HFM1: variants seen among roughly 807,000 people sequenced by gnomAD.
The protein encoded by HFM1 is helicase for meiosis 1.
In HFM1, 169 loss-of-function variants were observed where a neutral mutation model predicts 192.1. The ratio of observed to expected loss-of-function variants is 0.88; its 90% CI spans 0.78 to 1.00. The LOEUF is 1.00. Among genes scored for constraint, HFM1 ranks in the 50% least tolerant of loss-of-function variants. The probability of loss-of-function intolerance (pLI) is 0.00; values close to 1 mark genes in which losing one functional copy is unlikely to be tolerated. For synonymous variants in HFM1, 525 were observed against 537.8 expected, an observed-to-expected ratio of 0.98 and a Z score of 0.33; for missense variants, 1,661 against 1,668.0, an observed-to-expected ratio of 1.00 and a Z score of 0.07.
At chr1:91,370,136 T>C (rs1659964550) in intron 13 of HFM1, among the ~76,000 whole-genome samples, 1 of 152,146 alleles carries the variant, frequency 6.6e-6, no homozygotes, top group African/African-American at 2.4e-5. Flanking sequence ...ACCAGATGGA[T>C]TCACAGCCGA....
At position 91,355,251 on chromosome 1, in the gene HFM1, G is replaced by A. The variant is rs375640628; in HGVS notation, c.1686-1952C>T. ...AAAGAGAAAGGAATCAAAGCTTAGC[G>A]CTACAGAAAAACAACAAATCACAAA... On this transcript the variant is annotated intron_variant, in intron 13 of 38. Transcript: ENST00000370425. 2.0e-4 allele frequency among the ~76,000 whole-genome samples: 31 copies of A among 152,046 alleles called. No homozygotes were observed. In the Middle Eastern group the frequency reaches 0.01, roughly 50 times the overall value.
chr1:91,340,076 G>T (rs765599110), intron 20 of HFM1, among the ~76,000 whole-genome samples: 6 of 152,214 alleles, frequency 3.9e-5, no homozygotes, highest in Middle Eastern at 3.4e-3. Context: ...TGCAATCTTG[G>T]CTCACTGCAA....
At chr1:91,350,952 T>C (rs1033016926) in intron 17 of HFM1, 81 bp from the exon 18 acceptor site, 1 of 1,015,548 alleles carries the variant, frequency 9.8e-7, no homozygotes, top group East Asian at 2.7e-5. Context: ...ATATAGAATA[T>C]ACCCATTGCT....
At position 91,260,889 on chromosome 1, in the gene HFM1, T is replaced by C. The variant is rs1665102317; in HGVS notation, c.*401A>G. 1 of 152,972 alleles carries C rather than the reference T, an allele frequency of 6.5e-6. No homozygotes were observed. Among genetic ancestry groups the C allele is most frequent in the African/African-American group, 2.4e-5 (1 of 41,494 alleles). The allele number at this position is 152,972 out of a possible 1,614,324, so 9.5% of individuals were successfully genotyped here. ...GGGAATAATATTAGTGATTAATCCA[T>C]ACAATAAGCAGATTCATTAAGTTAG... On this transcript the variant is annotated 3_prime_UTR_variant, in exon 39 of 39. Transcript: ENST00000370425.
At chr1:91,270,371 A>C (rs1445220875) in intron 34 of HFM1, among the ~76,000 whole-genome samples, 2 of 147,142 alleles carry the variant, frequency 1.4e-5, no homozygotes, top group Admixed American at 1.3e-4. Flanking sequence ...GGTAAGAAGA[A>C]GACAGAGTTC....
intron 2 of HFM1, among the ~76,000 whole-genome samples, chr1:91,398,921 G>C (rs1050030747): frequency 6.6e-6 from 1 of 151,992 alleles, no homozygotes; most frequent in African/African-American, 2.4e-5. Flanking sequence ...TCAAACTCCG[G>C]GACTCAAGTG....
chr1:91,337,982 G>A (rs1414791825), intron 20 of HFM1, among the ~76,000 whole-genome samples: 1 of 152,128 alleles, frequency 6.6e-6, no homozygotes, highest in Non-Finnish European at 1.5e-5. Flanking sequence ...AGTCATTGAG[G>A]GTGGTTGGAG....
At position 91,319,140 on chromosome 1, in the gene HFM1, T is replaced by C. The variant is rs774242792; in HGVS notation, c.2750A>G (p.Lys917Arg). Residue 917 changes from lysine to arginine, a missense_variant, in exon 25 of 39, where the codon AAA (lysine) becomes AGA (arginine). By Grantham distance (26) the Lys-to-Arg change is conservative (BLOSUM62 2). Coordinates refer to ENST00000370425, the MANE Select transcript of HFM1 (RefSeq NM_001017975.6). ...TTCCCAAAGTTTACACCTAAAACATTTAGCTAAAATCAAACTATTCAATAG... is the reference window on the plus strand; with the variant it reads ...TTCCCAAAGTTTACACCTAAAACATCTAGCTAAAATCAAACTATTCAATAG... Reference protein sequence around the residue: ...AVLLNSLILAKCFRCKLWENS... With the variant: ...AVLLNSLILARCFRCKLWENS... 6.2e-7 allele frequency: 1 copy of C among 1,611,034 alleles called. No individual in the cohort carries two copies. Among genetic ancestry groups the C allele is most frequent in the Non-Finnish European group, 8.5e-7 (1 of 1,179,058 alleles).
chr1:91,402,331 T>A (rs1005465994), intron 1 of HFM1, among the ~76,000 whole-genome samples: 4 of 152,214 alleles, frequency 2.6e-5, no homozygotes, highest in African/African-American at 7.2e-5. Flanking sequence ...ACTTCAGGGC[T>A]GTTCTTACTG....
At chr1:91,281,708 T>C (rs1667476684) in intron 30 of HFM1, among the ~76,000 whole-genome samples, 1 of 152,216 alleles carries the variant, frequency 6.6e-6, no homozygotes, top group African/African-American at 2.4e-5. Context: ...AAAATCATTT[T>C]TCCCTTGGAA....
intron 13 of HFM1, among the ~76,000 whole-genome samples, chr1:91,365,867 T>C (rs747144243): frequency 7.3e-5 from 11 of 151,320 alleles, no homozygotes; most frequent in East Asian, 3.9e-4. Flanking sequence ...GATTAAGAAA[T>C]TGAAGTTGAA....
chr1:91,277,758 AAT>A (rs1322099556), intron 30 of HFM1, among the ~76,000 whole-genome samples: 1 of 117,270 alleles, frequency 8.5e-6, no homozygotes, highest in African/African-American at 3.6e-5. Context: ...CTTTATATAT[AAT>A]ATATACTAAT....
intron 30 of HFM1, among the ~76,000 whole-genome samples, chr1:91,289,778 C>T (rs931745509): frequency 6.6e-6 from 1 of 152,054 alleles, no homozygotes; most frequent in Non-Finnish European, 1.5e-5. Context: ...GAGAATCAGG[C>T]AGGGAGGTTG....
At chr1:91,315,723 C>A in intron 28 of HFM1, 92 bp downstream of exon 28, 1 of 876,132 alleles carries the variant, frequency 1.1e-6, no homozygotes, top group East Asian at 2.6e-5. Flanking sequence ...TAGTTGATCC[C>A]ACAATGATCT....
chr1:91,315,731 T>C (rs1311028764), intron 28 of HFM1, 84 bp downstream of exon 28: 2 of 950,236 alleles, frequency 2.1e-6, no homozygotes, highest in Non-Finnish European at 3.1e-6. Context: ...CCCACAATGA[T>C]CTTGTTATTT....
At position 91,315,928 on chromosome 1, in the gene HFM1, AAC is replaced by A. The variant is rs1468475450; in HGVS notation, c.3025_3026del (p.Val1009TyrfsTer6). ...SDTTAEILVT[V>X]ILRNFEQLQT... ...GTAGCTGTTCAAAATTTCTTAATAT[AAC>A]AGTCACTAATATTTCTGCCGTCGTA... On this transcript the variant is annotated frameshift_variant, in exon 28 of 39. Coordinates refer to ENST00000370425, the MANE Select transcript of HFM1 (RefSeq NM_001017975.6). LOFTEE classifies it high-confidence loss of function. 5 of 1,595,078 alleles carry A rather than the reference AAC, an allele frequency of 3.1e-6. No individual in the cohort carries two copies. The highest frequency in any genetic ancestry group is 4.3e-6 in the Non-Finnish European group (5 of 1,163,370).
chr1:91,404,140 C>A (rs534284140), intron 1 of HFM1, among the ~76,000 whole-genome samples: 1 of 152,190 alleles, frequency 6.6e-6, no homozygotes, highest in African/African-American at 2.4e-5. Context: ...CTCCGAGGCT[C>A]GGCCTGGGAA....
At chr1:91,297,336 G>C (rs1304114855) in intron 30 of HFM1, among the ~76,000 whole-genome samples, 4 of 152,232 alleles carry the variant, frequency 2.6e-5, no homozygotes, top group Non-Finnish European at 4.4e-5. Context: ...AAGGAGGCCT[G>C]CCTGCCTCTG....
intron 38 of HFM1, chr1:91,261,683 T>C (rs1450766148): frequency 2.3e-5 from 4 of 172,772 alleles, no homozygotes; most frequent in Non-Finnish European, 2.4e-5. Context: ...TACAGATTTC[T>C]GTTTCTTCTG....
Sources: gnomAD v4.1 joint callset for allele counts (sites outside exome capture counted in the v4.1 genomes callset) on GRCh38, gnomAD v4.1.1 for gene constraint, MANE v1.5 for transcripts, NCBI Gene and HGNC (gene_info 2026-07-23, HGNC 2026-07-21) for gene names.